Variants in EPHA3 observed in about 807,000 individuals in gnomAD.
The protein encoded by EPHA3 is EPH receptor A3, also known as ephrin type-A receptor 3.
EPHA3 carries 42 observed loss-of-function variants against 107.1 expected under a neutral mutation model. The ratio of observed to expected loss-of-function variants is 0.39; its 90% CI spans 0.31 to 0.51. The LOEUF is 0.51. EPHA3 is among the 20% of genes least tolerant of loss of function. EPHA3 has a pLI of 0.78. For missense variants in EPHA3, 1,183 were observed against 1,211.2 expected (o/e 0.98, Z 0.35); for synonymous variants, 461 against 424.8 (o/e 1.09, Z -1.05).
intron 13 of EPHA3, among the ~76,000 whole-genome samples, chr3:89,441,757 G>T (rs1709790721): frequency 6.6e-6 from 1 of 152,134 alleles, no homozygotes; most frequent in African/African-American, 2.4e-5. Context: ...TACGCTCTGT[G>T]ATGAATTACT....
At chr3:89,197,419 A>C (rs981309974) in intron 2 of EPHA3, among the ~76,000 whole-genome samples, 12 of 85,736 alleles carry the variant, frequency 1.4e-4, no homozygotes, top group African/African-American at 2.5e-4. Context: ...ATAAAAAAAA[A>C]CATAAAAACA....
At chr3:89,319,683 C>G (rs1041744523) in intron 3 of EPHA3, among the ~76,000 whole-genome samples, 1 of 151,826 alleles carries the variant, frequency 6.6e-6, no homozygotes, top group Non-Finnish European at 1.5e-5. Flanking sequence ...CAGGAGAGAG[C>G]CTTTTATCGT....
chr3:89,446,071 A>G lies in EPHA3; in HGVS notation c.2347-3154A>G, dbSNP rs768163080. Among the ~76,000 whole-genome samples, 13 of 152,336 alleles carry G rather than the reference A, an allele frequency of 8.5e-5. No homozygotes were observed. The Middle Eastern group carries it at 0.014, about 159-fold the overall frequency. The stretch of plus-strand genomic sequence containing the variant: ...TAAGTTTTTCTTATTAAAATAAATT[A>G]CTATACATTTTTCCAAACATGCATC... On this transcript the variant is annotated intron_variant, in intron 13 of 16. Coordinates refer to ENST00000336596, the MANE Select transcript of EPHA3 (RefSeq NM_005233.6).
intron 3 of EPHA3, among the ~76,000 whole-genome samples, chr3:89,307,742 AG>A (rs1363436484): frequency 6.6e-6 from 1 of 152,072 alleles, no homozygotes; most frequent in East Asian, 1.9e-4. Context: ...TTGCAGAGAC[AG>A]GGTCTGTTCA....
chr3:89,414,585 C>T (rs906994894), intron 10 of EPHA3, among the ~76,000 whole-genome samples: 32 of 151,674 alleles, frequency 2.1e-4, no homozygotes, highest in African/African-American at 7.7e-4. Flanking sequence ...CAGCACGGAG[C>T]CTGCGGTAGC....
chr3:89,209,309 A>C (rs561925314), intron 2 of EPHA3, among the ~76,000 whole-genome samples: 2 of 152,132 alleles, frequency 1.3e-5, no homozygotes, highest in Admixed American at 1.3e-4. Flanking sequence ...TTTTACTTCA[A>C]ATTTTTTTTT....
At chr3:89,132,105 G>A (rs1271840584) in intron 2 of EPHA3, among the ~76,000 whole-genome samples, 1 of 152,174 alleles carries the variant, frequency 6.6e-6, no homozygotes, top group African/African-American at 2.4e-5. Context: ...TTTTCCTCCT[G>A]ATGGAGAGAT....
At chr3:89,355,255 T>G (rs1165381779) in intron 5 of EPHA3, among the ~76,000 whole-genome samples, 1 of 151,186 alleles carries the variant, frequency 6.6e-6, no homozygotes, top group Non-Finnish European at 1.5e-5. Flanking sequence ...CCACTCCAAT[T>G]GGGCCTCAGA....
At position 89,107,687 on chromosome 3, in the gene EPHA3, C is replaced by T; in HGVS notation, c.-62C>T. On this transcript the variant is annotated 5_prime_UTR_variant, in exon 1 of 17. Coordinates refer to ENST00000336596, the MANE Select transcript of EPHA3 (RefSeq NM_005233.6). ...CTTCTCCAGCAATCAGAGCGCTCCC[C>T]CTCACATCAGTGGCATGCTTCATGG... The T allele has an allele frequency of 6.8e-7, 1 of 1,476,390 alleles. No homozygotes were observed. The highest frequency in any genetic ancestry group is 9.5e-7 in the Non-Finnish European group (1 of 1,057,778). 91.5% of individuals were successfully genotyped at this position (1,476,390 alleles called of 1,614,324 possible).
At chr3:89,310,045 G>T (rs916590090) in intron 3 of EPHA3, among the ~76,000 whole-genome samples, 3 of 151,902 alleles carry the variant, frequency 2.0e-5, no homozygotes, top group Non-Finnish European at 4.4e-5. Flanking sequence ...AACTCACAGG[G>T]TGAGCTCCAC....
intron 2 of EPHA3, among the ~76,000 whole-genome samples, chr3:89,134,516 C>T (rs1704272924): frequency 6.6e-6 from 1 of 152,080 alleles, no homozygotes; most frequent in South Asian, 2.1e-4. Context: ...TGGTTTCCAG[C>T]TTCATCCATG....
At chr3:89,400,527 C>T (rs1403558638) in intron 7 of EPHA3, among the ~76,000 whole-genome samples, 1 of 152,054 alleles carries the variant, frequency 6.6e-6, no homozygotes, top group Non-Finnish European at 1.5e-5. Flanking sequence ...TGAGCCACCT[C>T]GCCCGGCTGT....
At position 89,479,494 on chromosome 3, in the gene EPHA3, C is replaced by T. The variant is rs147992008; in HGVS notation, c.2944C>T (p.Pro982Ser). The T allele has an allele frequency of 3.1e-6, 5 of 1,613,658 alleles. No homozygotes were observed. The African/African-American group carries it at 4.0e-5, about 13-fold the overall frequency. Reference sequence around the variant, plus strand: ...AACGCAATCAAAGAATGGCCCAGTTCCCGTGTAAAGCACGGGACGGAAGTG... The same window carrying T: ...AACGCAATCAAAGAATGGCCCAGTTTCCGTGTAAAGCACGGGACGGAAGTG... ...LETQSKNGPVPV is the reference protein window; with the variant it reads ...LETQSKNGPVSV Residue 982 changes from proline (P) to serine (S), a missense_variant, in exon 17 of 17, where the codon CCC becomes TCC. Transcript: ENST00000336596.
rs191332804 is a variant in EPHA3, at chr3:89,403,249, C to T, written c.1594+3769C>T. ...GTTAAGGAAGTTTTCCAAAGTCACA[C>T]AATTGGCAAGGGATACATCAATTCC... On this transcript the variant is annotated intron_variant, in intron 7 of 16. Transcript: ENST00000336596. Among the ~76,000 whole-genome samples, 7 of 152,234 alleles carry T rather than the reference C, an allele frequency of 4.6e-5. No individual in the cohort carries two copies. In the East Asian group the frequency reaches 1.4e-3, roughly 29 times the overall value.
At chr3:89,342,534 A>G (rs1707552574) in intron 5 of EPHA3, among the ~76,000 whole-genome samples, 2 of 152,202 alleles carry the variant, frequency 1.3e-5, no homozygotes, top group African/African-American at 4.8e-5. Flanking sequence ...TATAACTGAT[A>G]GTTATAAATC....
In EPHA3 at chr3:89,413,345, G is replaced by T. The variant is rs76390305; in HGVS notation, c.1888+79G>T. ...TCAGTCTCTGAAACCTAAGTATATT[G>T]CTAAAGAAATGGGAATTTTCTGATT... On this transcript the variant is annotated intron_variant, in intron 10 of 16. Coordinates refer to ENST00000336596, the MANE Select transcript of EPHA3 (RefSeq NM_005233.6). 9,346 of 1,535,638 alleles carry T rather than the reference G, an allele frequency of 6.1e-3. 44 individuals carry two copies. Among genetic ancestry groups the T allele is most frequent in the Non-Finnish European group, 7.6e-3 (8,513 of 1,117,718 alleles).
intron 2 of EPHA3, among the ~76,000 whole-genome samples, chr3:89,154,273 T>C (rs1293604295): frequency 7.6e-5 from 11 of 144,746 alleles, no homozygotes; most frequent in Admixed American, 6.2e-4. Context: ...TTTGTTTGTT[T>C]TTTTTTTTTT....
In EPHA3 at chr3:89,399,420, C is replaced by T. The variant is rs1472226095; in HGVS notation, c.1534C>T (p.Arg512Ter). The part of the protein sequence containing the change: ...DTIYVFQIRA[R>*]TAAGYGTNSR... ...TATATACGTATTCCAAATCCGAGCC[C>T]GAACAGCCGCTGGATATGGGACGAA... Residue 512 changes from arginine (R) to a stop codon, truncating the protein, a stop_gained, in exon 7 of 17, where the codon CGA (arginine) becomes TGA (stop). Coordinates refer to ENST00000336596, the MANE Select transcript of EPHA3 (RefSeq NM_005233.6). LOFTEE classifies it high-confidence loss of function. 1.9e-6 allele frequency: 3 copies of T among 1,614,000 alleles called. No individual in the cohort carries two copies. Among genetic ancestry groups the T allele is most frequent in the African/African-American group, 1.3e-5 (1 of 74,980 alleles).
chr3:89,481,366 A>T lies in EPHA3; in HGVS notation c.*1864A>T. 1 of 232,248 alleles carries T rather than the reference A, an allele frequency of 4.3e-6. No homozygotes were observed. The highest frequency in any genetic ancestry group is 8.5e-6 in the Non-Finnish European group (1 of 117,432). The allele number at this position is 232,248 out of a possible 1,614,324, so 14.4% of individuals were successfully genotyped here. A position where few individuals can be genotyped will look rare whatever the true frequency, so the allele number is the denominator to read the frequency against. On this transcript the variant is annotated 3_prime_UTR_variant, in exon 17 of 17. Transcript: ENST00000336596. ...AAGAGCATGAAATTTTTAAAAATAC[A>T]CTTGTGATTATAAAATTAATCACAA...
Sources: allele counts gnomAD v4.1 joint callset (sites outside exome capture counted in the v4.1 genomes callset), GRCh38; gene constraint gnomAD v4.1.1; transcripts MANE v1.5; gene names NCBI Gene and HGNC (gene_info 2026-07-23, HGNC 2026-07-21).